Variants in C10orf90 observed in about 807,000 individuals in gnomAD.
The protein encoded by C10orf90 is chromosome 10 open reading frame 90.
Under a neutral mutation model 62.5 loss-of-function variants are expected in C10orf90, and 56 were observed. The ratio of observed to expected loss-of-function variants is 0.90; its 90% CI spans 0.72 to 1.12. The LOEUF (loss-of-function observed/expected upper bound fraction) is 1.12. Ranked by LOEUF, C10orf90 falls within the 50% of genes most tolerant of loss-of-function variation. C10orf90 has a pLI of 0.00. For missense variants in C10orf90, 970 were observed against 880.4 expected (o/e 1.10, Z -1.29); for synonymous variants, 386 against 340.4 (o/e 1.13, Z -1.47).
At chr10:126,625,135 A>T (rs1376187758) in intron 2 of C10orf90, among the ~76,000 whole-genome samples, 1 of 152,048 alleles carries the variant, frequency 6.6e-6, no homozygotes, top group Admixed American at 6.5e-5. Context: ...TTGGAAGTGG[A>T]GCAATTGTAC....
intron 2 of C10orf90, among the ~76,000 whole-genome samples, chr10:126,601,816 G>A (rs796262255): frequency 4.6e-5 from 7 of 152,368 alleles, no homozygotes; most frequent in African/African-American, 1.7e-4. Flanking sequence ...TGGAGGGAGA[G>A]GCTTGCCTGT....
At chr10:126,482,032 A>G (rs1409072945) in intron 4 of C10orf90, among the ~76,000 whole-genome samples, 2 of 152,066 alleles carry the variant, frequency 1.3e-5, no homozygotes, top group Non-Finnish European at 2.9e-5. Context: ...TCCCCAGTCT[A>G]TTACCATTGG....
At chr10:126,563,305 G>A (rs948159287) in intron 2 of C10orf90, among the ~76,000 whole-genome samples, 2 of 152,176 alleles carry the variant, frequency 1.3e-5, no homozygotes, top group African/African-American at 4.8e-5. Flanking sequence ...GTGACAGAAT[G>A]AGCCTTGAGA....
chr10:126,631,755 G>T lies in C10orf90; in HGVS notation c.313+14810C>A, dbSNP rs190264198. Among the ~76,000 whole-genome samples the T allele has an allele frequency of 4.5e-4, 68 of 151,878 alleles. No homozygotes were observed. In the East Asian group the frequency reaches 0.011, roughly 25 times the overall value. ...GCAGGGACTTGAACAGTCAACAAAT[G>T]AAATTGAGGACAGGCAGCATAAACA... On this transcript the variant is annotated intron_variant, in intron 2 of 9. Transcript: ENST00000488181.
At position 126,504,994 on chromosome 10, in the gene C10orf90, G is replaced by A. The variant is rs374607842; in HGVS notation, c.497C>T (p.Ser166Phe). 6 of 1,614,234 alleles carry A rather than the reference G, an allele frequency of 3.7e-6. 1 individual carries two copies. The South Asian group carries it at 5.5e-5, about 15-fold the overall frequency. Residue 166 changes from serine to phenylalanine, a missense_variant, in exon 4 of 10, where the codon TCC (serine) becomes TTC (phenylalanine). Coordinates refer to ENST00000488181, the MANE Select transcript of C10orf90 (RefSeq NM_001350921.2). This position sits in a 1 kb window ranked among gnomAD's most constrained non-coding sequence, Gnocchi z 4.1. ...AGCAATGGCACACGGTAGGGGCAAG[G>A]AGGCCCTGTTTTCTCTTGACTTATT... The part of the protein sequence containing the change: ...DENKSRENRA[S>F]LPLPCAIAQS...
chr10:126,525,003 A>G (rs766336078), intron 2 of C10orf90, among the ~76,000 whole-genome samples: 13 of 152,244 alleles, frequency 8.5e-5, no homozygotes, highest in Non-Finnish European at 1.6e-4. Context: ...GGTGGGTGGC[A>G]GAAAATTGGG....
At chr10:126,558,566 G>A (rs1267358379) in intron 2 of C10orf90, among the ~76,000 whole-genome samples, 1 of 152,138 alleles carries the variant, frequency 6.6e-6, no homozygotes, top group Non-Finnish European at 1.5e-5. Context: ...TGTTAGCCAC[G>A]GGTCCTTCAA....
chr10:126,587,687 T>C (rs1844900698), intron 2 of C10orf90, among the ~76,000 whole-genome samples: 2 of 152,188 alleles, frequency 1.3e-5, no homozygotes, highest in East Asian at 3.8e-4. Flanking sequence ...AGGTGAGATG[T>C]GGTTGGTTAG....
In C10orf90 at chr10:126,504,993, G is replaced by A. The variant is rs774505832; in HGVS notation, c.498C>T (p.Ser166=). ...GAGCAATGGCACACGGTAGGGGCAA[G>A]GAGGCCCTGTTTTCTCTTGACTTAT... is the stretch of plus-strand genomic sequence containing the variant. ...DENKSRENRA[S]LPLPCAIAQS... The change falls in exon 4 of 10, where the codon TCC becomes TCT. Residue 166 remains serine (S), a synonymous_variant. Transcript: ENST00000488181. This position sits in a 1 kb window ranked among gnomAD's most constrained non-coding sequence, Gnocchi z 4.1. The A allele has an allele frequency of 5.0e-6, 8 of 1,614,238 alleles. No individual in the cohort carries two copies. In the South Asian group the frequency reaches 7.7e-5, roughly 16 times the overall value.
At chr10:126,427,003 A>G (rs1214172713) in intron 8 of C10orf90, among the ~76,000 whole-genome samples, 1 of 152,206 alleles carries the variant, frequency 6.6e-6, no homozygotes, top group East Asian at 1.9e-4. Context: ...TAAATGAGAA[A>G]CCCAAGCCCC....
chr10:126,549,128 A>C (rs1864570728), intron 2 of C10orf90, among the ~76,000 whole-genome samples: 1 of 152,242 alleles, frequency 6.6e-6, no homozygotes, highest in African/African-American at 2.4e-5. Context: ...TAACACAAAA[A>C]GAATGATCCA....
In C10orf90 at chr10:126,565,366, ATTT is replaced by A. The variant is rs1417052065; in HGVS notation, c.314-51430_314-51428del. On this transcript the variant is annotated intron_variant, in intron 2 of 9. Coordinates refer to ENST00000488181, the MANE Select transcript of C10orf90 (RefSeq NM_001350921.2). Reference sequence around the variant, plus strand: ...TAATATATAATATATAATATATATTATTTTATATAATAATATATATTATATATA... The same window carrying A: ...TAATATATAATATATAATATATATTATATATAATAATATATATTATATATA... Among the ~76,000 whole-genome samples, 412 of 76,516 alleles carry A rather than the reference ATTT, an allele frequency of 5.4e-3. 4 individuals are homozygous for A. Among genetic ancestry groups the A allele is most frequent in the African/African-American group, 0.019 (349 of 18,012 alleles). 50.2% of individuals were successfully genotyped at this position (76,516 alleles called of 152,430 possible). A position where few individuals can be genotyped will look rare whatever the true frequency, so the allele number is the denominator to read the frequency against.
chr10:126,614,635 C>T (rs1046828081), intron 2 of C10orf90, among the ~76,000 whole-genome samples: 3 of 151,908 alleles, frequency 2.0e-5, no homozygotes, highest in Non-Finnish European at 4.4e-5. Context: ...AAATCCTCCT[C>T]CATTTATTTC....
At chr10:126,477,782 G>C (rs1034548097) in intron 4 of C10orf90, among the ~76,000 whole-genome samples, 1 of 152,176 alleles carries the variant, frequency 6.6e-6, no homozygotes, top group Non-Finnish European at 1.5e-5. Context: ...CTTTTCAGCA[G>C]CTCTGCCATA....
At chr10:126,494,646 C>A (rs191505169) in intron 4 of C10orf90, among the ~76,000 whole-genome samples, 11 of 152,184 alleles carry the variant, frequency 7.2e-5, no homozygotes, top group African/African-American at 2.7e-4. Context: ...CGCCATGATG[C>A]GGTCCTTGCA....
At chr10:126,488,436 T>C (rs1861551316) in intron 4 of C10orf90, among the ~76,000 whole-genome samples, 1 of 151,872 alleles carries the variant, frequency 6.6e-6, no homozygotes, top group African/African-American at 2.4e-5. Flanking sequence ...TCTAAGCTTT[T>C]TAAGAATCTA....
chr10:126,436,496 C>A (rs1240057087), intron 7 of C10orf90, among the ~76,000 whole-genome samples: 3 of 152,098 alleles, frequency 2.0e-5, no homozygotes, highest in Non-Finnish European at 4.4e-5. Flanking sequence ...ATGATGATTT[C>A]TTTGGCTTGC....
intron 2 of C10orf90, among the ~76,000 whole-genome samples, chr10:126,590,856 G>A (rs1367332166): frequency 1.3e-5 from 2 of 152,080 alleles, no homozygotes; most frequent in Admixed American, 1.3e-4. Context: ...AAATGATAAG[G>A]GGAATATCAC....
rs1390130842 is a variant in C10orf90, at chr10:126,507,058, T to TA, written c.406-1974dup. ...TCCATCACATTATATGTGGGTTTTT[T>TA]AAAAAAAGGATACATGGGGCTGGGT... On this transcript the variant is annotated intron_variant, in intron 3 of 9. Transcript: ENST00000488181. Among the ~76,000 whole-genome samples, 3 of 151,842 alleles carry TA rather than the reference T, an allele frequency of 2.0e-5. No individual in the cohort carries two copies. The East Asian group carries it at 5.8e-4, about 29-fold the overall frequency.
Sources: allele counts gnomAD v4.1 joint callset (sites outside exome capture counted in the v4.1 genomes callset), GRCh38; gene constraint gnomAD v4.1.1; non-coding constraint Gnocchi (gnomAD v3.1); transcripts MANE v1.5; gene names NCBI Gene and HGNC (gene_info 2026-07-23, HGNC 2026-07-21).